The following TTN variants were observed in gnomAD, a reference collection of about 807,000 sequenced individuals.
TTN encodes the protein connectin.
In TTN, 1,525 loss-of-function variants were observed where a neutral mutation model predicts 3,223.0. That is an observed-to-expected ratio of 0.47 (90% confidence interval 0.45 to 0.49). The LOEUF (loss-of-function observed/expected upper bound fraction) is 0.49. TTN is among the 20% of genes least tolerant of loss of function. The pLI, the probability that TTN is intolerant of heterozygous loss-of-function variation, is 0.00. For missense variants in TTN, 40,786 were observed against 43,424.0 expected (o/e 0.94, Z 5.40); for synonymous variants, 14,094 against 15,161.0 (o/e 0.93, Z 5.17).
intron 47 of TTN, chr2:178,751,660 T>A: frequency 6.2e-7 from 1 of 1,613,408 alleles, no homozygotes; most frequent in Non-Finnish European, 8.5e-7. Flanking sequence ...TAATTGCTAG[T>A]AACCTATAAC....
rs765819159 is a variant in TTN at position 178,720,339 on chromosome 2, C to T, written c.23377+46G>A. 3.8e-6 allele frequency: 6 copies of T among 1,591,330 alleles called. No homozygotes were observed. The Admixed American group carries it at 5.2e-5, about 14-fold the overall frequency. On this transcript the variant is annotated intron_variant, in intron 80 of 362. Coordinates refer to ENST00000589042, the MANE Select transcript of TTN (RefSeq NM_001267550.2). Reference sequence around the variant, plus strand: ...ACACAAGTTATTAGTTAGGCAAGAACAGATAGGAGGAAGGGGCATATATTT... The same window carrying T: ...ACACAAGTTATTAGTTAGGCAAGAATAGATAGGAGGAAGGGGCATATATTT...
rs1282574211 is a variant in TTN, at chr2:178,718,701, C to CA, written c.24498dup (p.Val8167CysfsTer13). 2.5e-6 allele frequency: 4 copies of CA among 1,612,850 alleles called. No homozygotes were observed. ...ATTGGGGGAAAGAGCAAACCTTTCACAAAAAGATGTGTGGTACAGGAAGCA... is the reference window on the plus strand; with the variant it reads ...ATTGGGGGAAAGAGCAAACCTTTCACAAAAAAGATGTGTGGTACAGGAAGCA... On this transcript the variant is annotated frameshift_variant, in exon 84 of 363. Coordinates refer to ENST00000589042, the MANE Select transcript of TTN (RefSeq NM_001267550.2). LOFTEE classifies it high-confidence loss of function.
At chr2:178,789,587 G>C in intron 12 of TTN, 90 bp from the exon 13 acceptor site, 1 of 1,530,712 alleles carries the variant, frequency 6.5e-7, no homozygotes, top group Admixed American at 1.7e-5. Context: ...GGGGATGCAA[G>C]ATGGTTATTC....
intron 45 of TTN, among the ~76,000 whole-genome samples, chr2:178,757,092 C>G (rs1489154404): frequency 2.5e-4 from 3 of 12,162 alleles, no homozygotes; most frequent in Non-Finnish European, 6.1e-4. Context: ...CTGTCTTTCT[C>G]TCTCTCCCTC....
In TTN at chr2:178,634,087, A is replaced by C. The variant is rs1349980752; in HGVS notation, c.42416-4T>G. ...GACATGAATTTCAGTCTTATACCTGAAATGCAAGCATAGATAATGCCTCAG... is the reference window on the plus strand; with the variant it reads ...GACATGAATTTCAGTCTTATACCTGCAATGCAAGCATAGATAATGCCTCAG... On this transcript the variant is annotated splice_region_variant and splice_polypyrimidine_tract_variant and intron_variant, in intron 230 of 362. Transcript: ENST00000589042. The surrounding 1 kb of genome is among the most constrained non-coding windows in gnomAD (Gnocchi z 4.6). The C allele has an allele frequency of 6.2e-7, 1 of 1,612,010 alleles. No homozygotes were observed. The highest frequency in any genetic ancestry group is 1.3e-5 in the African/African-American group (1 of 74,828).
chr2:178,581,440 T>G, intron 316 of TTN, 59 bp downstream of exon 316: 1 of 1,413,788 alleles, frequency 7.1e-7, no homozygotes, highest in Non-Finnish European at 9.6e-7. Context: ...AGTTCTAGTC[T>G]CCCTCTTAGA....
intron 240 of TTN, among the ~76,000 whole-genome samples, chr2:178,625,706 A>G (rs1002442182): frequency 1.3e-5 from 2 of 152,030 alleles, no homozygotes; most frequent in Non-Finnish European, 2.9e-5. Context: ...TATAAGGACT[A>G]TAAATCATGC....
rs757364697 is a variant in TTN, at chr2:178,706,698, T to C, written c.29176A>G (p.Ile9726Val). Residue 9726 changes from isoleucine (I) to valine (V), a missense_variant, in exon 102 of 363, where the codon ATC becomes GTC. By Grantham distance (29) the Ile-to-Val change is conservative (BLOSUM62 3). Coordinates refer to ENST00000589042, the MANE Select transcript of TTN (RefSeq NM_001267550.2). Reference protein sequence around the residue: ...TFIAKVGGDPIPNVKWTKGKW... With the variant: ...TFIAKVGGDPVPNVKWTKGKW... ...CCTTTTGTCCATTTAACATTTGGGA[T>C]TGGGTCACCTCCAACTTTTGCAATG... 15 of 1,612,796 alleles carry C rather than the reference T, an allele frequency of 9.3e-6. No individual in the cohort carries two copies. The Admixed American group carries it at 2.2e-4, about 23-fold the overall frequency.
Position 178,589,159 on chromosome 2 carries a change from A to G in TTN, c.62566T>C (p.Tyr20856His), listed in dbSNP as rs2049698441. ...ATNTAGSFVA[Y>H]ATVNVLDKPG... Reference sequence around the variant, plus strand: ...TTATCTAAAACATTGACAGTGGCATAGGCCACAAAACTGCCAGCCGTGTTA... The same window carrying G: ...TTATCTAAAACATTGACAGTGGCATGGGCCACAAAACTGCCAGCCGTGTTA... Residue 20856 changes from tyrosine to histidine, a missense_variant, in exon 304 of 363, where the codon TAT becomes CAT. Tyr to His is a moderately conservative substitution (Grantham distance 83). Coordinates refer to ENST00000589042, the MANE Select transcript of TTN (RefSeq NM_001267550.2). 1.2e-6 allele frequency: 2 copies of G among 1,613,424 alleles called. No individual in the cohort carries two copies. Among genetic ancestry groups the G allele is most frequent in the African/African-American group, 2.7e-5 (2 of 75,040 alleles).
chr2:178,646,030 T>G lies in TTN; in HGVS notation c.40298A>C (p.Glu13433Ala). 2 of 1,542,840 alleles carry G rather than the reference T, an allele frequency of 1.3e-6. No individual in the cohort carries two copies. The highest frequency in any genetic ancestry group is 1.7e-6 in the Non-Finnish European group (2 of 1,149,410). ...EPQPEEIPVK[E>A]PEPEKVIEKP... ...CTCAATAACCTTTTCAGGTTCAGGT[T>G]CTTGAAAGAGTATTTCAGAGGTGTT... Residue 13433 changes from glutamate (E) to alanine (A), a missense_variant and splice_region_variant, in exon 217 of 363, where the codon GAA becomes GCA. By Grantham distance (107) the Glu-to-Ala change is moderately radical (BLOSUM62 -1). Coordinates refer to ENST00000589042, the MANE Select transcript of TTN (RefSeq NM_001267550.2).
chr2:178,793,737 C>T lies in TTN; in HGVS notation c.1399-196G>A, dbSNP rs1005322427. Among the ~76,000 whole-genome samples the T allele has an allele frequency of 2.0e-5, 3 of 152,092 alleles. No individual in the cohort carries two copies. In the East Asian group the frequency reaches 5.8e-4, roughly 29 times the overall value. On this transcript the variant is annotated intron_variant, in intron 8 of 362. Coordinates refer to ENST00000589042, the MANE Select transcript of TTN (RefSeq NM_001267550.2). ...ATCACTTAAACCCAGGAGGCGGAGG[C>T]TGCAGTGAGCGGAGGTCATGCCACT... is the stretch of plus-strand genomic sequence containing the variant.
At position 178,673,662 on chromosome 2, in the gene TTN, G is replaced by A. The variant is rs1254511928; in HGVS notation, c.34757C>T (p.Pro11586Leu). Residue 11586 changes from proline to leucine, a missense_variant, in exon 152 of 363, where the codon CCT becomes CTT. Coordinates refer to ENST00000589042, the MANE Select transcript of TTN (RefSeq NM_001267550.2). ...AGCTGGTGGTGCCTCCACTTTTTTA[G>A]GAACAGGAGTAGGTGCTTCAGGTAC... ...KAVPEAPTPV[P>L]KKVEAPPAKV... 2 of 1,592,786 alleles carry A rather than the reference G, an allele frequency of 1.3e-6. No individual in the cohort carries two copies. The highest frequency in any genetic ancestry group is 3.5e-5 in the Admixed American group (2 of 56,544).
intron 8 of TTN, 92 bp downstream of exon 8, chr2:178,794,307 C>T: frequency 1.3e-6 from 2 of 1,573,316 alleles, no homozygotes; most frequent in South Asian, 1.1e-5. Context: ...GAATTGAGCA[C>T]AGCTGCATGC....
At position 178,732,728 on chromosome 2, in the gene TTN, G is replaced by T. The variant is rs2154310534; in HGVS notation, c.16343-10C>A. 1 of 1,571,378 alleles carries T rather than the reference G, an allele frequency of 6.4e-7. No homozygotes were observed. Among genetic ancestry groups the T allele is most frequent in the Non-Finnish European group, 8.6e-7 (1 of 1,160,476 alleles). On this transcript the variant is annotated splice_polypyrimidine_tract_variant and intron_variant, in intron 55 of 362. Transcript: ENST00000589042. ...ACAAAACTGGGTGGTTCTGAAGAAG[G>T]GGTATAAGAAAGAATTTCAAAGAGT...
At chr2:178,723,781 A>G in intron 73 of TTN, 75 bp downstream of exon 73, 1 of 1,535,928 alleles carries the variant, frequency 6.5e-7, no homozygotes, top group Non-Finnish European at 8.7e-7. Context: ...AGCACTTTCA[A>G]ATGTTTGTCA....
chr2:178,559,969 A>G lies in TTN; in HGVS notation c.86163T>C (p.Tyr28721=), dbSNP rs760622778. 2.9e-5 allele frequency: 46 copies of G among 1,613,796 alleles called. No individual in the cohort carries two copies. The South Asian group carries it at 4.8e-4, about 17-fold the overall frequency. ...TISGLTTGAE[Y]VFRVKSVNKV... ...TATTGACAGATTTTACTCTGAAAACATATTCAGCTCCTGTTGTTAGTCCGC... is the reference window on the plus strand; with the variant it reads ...TATTGACAGATTTTACTCTGAAAACGTATTCAGCTCCTGTTGTTAGTCCGC... The change falls in exon 326 of 363, where the codon TAT becomes TAC. Residue 28721 remains tyrosine, a synonymous_variant. Coordinates refer to ENST00000589042, the MANE Select transcript of TTN (RefSeq NM_001267550.2).
At position 178,739,734 on chromosome 2, in the gene TTN, T is replaced by C. The variant is rs727503655; in HGVS notation, c.13499A>G (p.Lys4500Arg). 2.4e-5 allele frequency: 39 copies of C among 1,613,820 alleles called. No individual in the cohort carries two copies. Among genetic ancestry groups the C allele is most frequent in the Non-Finnish European group, 3.2e-5 (38 of 1,179,850 alleles). ...ATCCATTTCTTCTTGCAAACTTGTT[T>C]TGGCTCCTTGCTGAATTCTAGGACC... ...AEGPRIQQGA[K>R]TSLQEEMDSF... The change falls in exon 48 of 363, where the codon AAA (lysine) becomes AGA (arginine). Residue 4500 changes from lysine (K) to arginine (R), a missense_variant. By Grantham distance (26) the Lys-to-Arg change is conservative (BLOSUM62 2). Coordinates refer to ENST00000589042, the MANE Select transcript of TTN (RefSeq NM_001267550.2).
chr2:178,622,569 C>A, intron 243 of TTN, 101 bp downstream of exon 243: 1 of 836,280 alleles, frequency 1.2e-6, no homozygotes, highest in Non-Finnish European at 1.9e-6. Flanking sequence ...AAGTGGTGAC[C>A]AGAGAAGTTG....
rs748808868 is a variant in TTN at position 178,756,253 on chromosome 2, CCT to C, written c.11221_11222del (p.Arg3741AspfsTer13). The C allele has an allele frequency of 5.0e-6, 8 of 1,612,406 alleles. No homozygotes were observed. The African/African-American group carries it at 1.1e-4, about 22-fold the overall frequency. ...SCIVHNDCGERTTSAVLSVEG... is the reference protein window; with the variant it reads ...SCIVHNDCGEXTTSAVLSVEG... ...CTACACTTAGTACTGCTGACGTTGTCCTCTCTCCACAGTCATTGTGTACAATG... is the reference window on the plus strand; with the variant it reads ...CTACACTTAGTACTGCTGACGTTGTCCTCTCCACAGTCATTGTGTACAATG... On this transcript the variant is annotated frameshift_variant, in exon 46 of 363. Coordinates refer to ENST00000589042, the MANE Select transcript of TTN (RefSeq NM_001267550.2). LOFTEE classifies it high-confidence loss of function.
Sources: allele counts gnomAD v4.1 joint callset (sites outside exome capture counted in the v4.1 genomes callset), GRCh38; gene constraint gnomAD v4.1.1; non-coding constraint Gnocchi (gnomAD v3.1); transcripts MANE v1.5; gene names NCBI Gene and HGNC (gene_info 2026-07-23, HGNC 2026-07-21).